LRRC37A2: variants seen among roughly 807,000 people sequenced by gnomAD.
LRRC37A2 encodes the protein leucine rich repeat containing 37 member A2.
LRRC37A2 carries 9 observed loss-of-function variants against 68.8 expected under a neutral mutation model. That is an observed-to-expected ratio of 0.13 (90% CI 0.08 to 0.23). The LOEUF is 0.23. LRRC37A2 is among the 10% of genes least tolerant of loss of function. LRRC37A2 has a pLI of 1.00. For missense variants in LRRC37A2, 168 were observed against 950.4 expected, an observed-to-expected ratio of 0.18 and a Z score of 10.82; for synonymous variants, 63 against 367.6, an observed-to-expected ratio of 0.17 and a Z score of 9.48.
chr17:46,533,351 G>GT (rs2054004623), intron 6 of LRRC37A2, among the ~76,000 whole-genome samples: 1 of 79,386 alleles, frequency 1.3e-5, no homozygotes, highest in Non-Finnish European at 2.1e-5. Context: ...TTCCAACTTT[G>GT]TTTCAATGGT....
chr17:46,941,914 G>A, the LRRC37A2 span: 9 of 984,848 alleles, frequency 9.1e-6, no homozygotes, highest in Admixed American at 1.2e-4. Flanking sequence ...TGTGTATTTT[G>A]GAACCACTGT....
At chr17:46,923,345 T>C in the LRRC37A2 span, 1 of 1,523,090 alleles carries the variant, frequency 6.6e-7, no homozygotes, top group Non-Finnish European at 8.8e-7. Flanking sequence ...AGGGCACTGC[T>C]GGGGATGCCT....
chr17:46,657,961 AT>A, the LRRC37A2 span, among the ~76,000 whole-genome samples: 1 of 57,330 alleles, frequency 1.7e-5, no homozygotes, highest in Non-Finnish European at 2.7e-5. Context: ...TTTTTATTTT[AT>A]TTTATTTATT....
the LRRC37A2 span, among the ~76,000 whole-genome samples, chr17:46,922,090 C>G: frequency 6.6e-6 from 1 of 152,190 alleles, no homozygotes; most frequent in Non-Finnish European, 1.5e-5. Context: ...ACCCAAATGT[C>G]CAACAATGAC....
the LRRC37A2 span, among the ~76,000 whole-genome samples, chr17:46,773,055 G>T: frequency 6.6e-6 from 1 of 152,040 alleles, no homozygotes; most frequent in African/African-American, 2.4e-5. Context: ...GGGCCTGCAG[G>T]TTCAAAGTCA....
At chr17:46,835,715 G>A in the LRRC37A2 span, among the ~76,000 whole-genome samples, 8 of 152,266 alleles carry the variant, frequency 5.3e-5, no homozygotes, top group African/African-American at 1.9e-4. Context: ...GTGGGTTAGG[G>A]ATGAGTTGTT....
At chr17:46,763,263 C>T in the LRRC37A2 span, 1 of 152,260 alleles carries the variant, frequency 6.6e-6, no homozygotes, top group Non-Finnish European at 1.5e-5. Flanking sequence ...CCAATTCATA[C>T]TGTGAAATCC....
the LRRC37A2 span, chr17:46,768,222 G>C: frequency 2.9e-5 from 46 of 1,569,812 alleles, 1 homozygote; most frequent in Middle Eastern, 9.0e-4. The surrounding 1 kb of genome is among the most constrained non-coding windows in gnomAD (Gnocchi z 5.0). Context: ...CTTAGAAACA[G>C]AAGGGGGTCG....
chr17:46,992,944 ACAAT>A, the LRRC37A2 span, among the ~76,000 whole-genome samples: 10 of 151,732 alleles, frequency 6.6e-5, no homozygotes, highest in Non-Finnish European at 1.3e-4. Flanking sequence ...AGATTTTCTA[ACAAT>A]GTGTAGCATG....
chr17:46,934,988 T>A, the LRRC37A2 span: 2 of 1,597,860 alleles, frequency 1.3e-6, no homozygotes, highest in Non-Finnish European at 1.7e-6. Context: ...AGGAACTGAC[T>A]GATAAGCAAA....
the LRRC37A2 span, among the ~76,000 whole-genome samples, chr17:47,001,893 T>C: frequency 6.6e-6 from 1 of 151,748 alleles, no homozygotes. Context: ...AGCTAATTTG[T>C]GTATTTTTAG....
chr17:47,019,628 A>C, the LRRC37A2 span: 1 of 1,437,454 alleles, frequency 7.0e-7, no homozygotes, highest in East Asian at 2.3e-5. Flanking sequence ...GTTACATCCA[A>C]GATAAGGCTT....
the LRRC37A2 span, among the ~76,000 whole-genome samples, chr17:46,844,693 AGAT>A: frequency 1.3e-5 from 2 of 152,222 alleles, no homozygotes; most frequent in Non-Finnish European, 2.9e-5. Context: ...ACAAACTAAA[AGAT>A]GTTGAGAATG....
the LRRC37A2 span, among the ~76,000 whole-genome samples, chr17:46,699,421 AC>A: frequency 6.6e-6 from 1 of 152,142 alleles, no homozygotes; most frequent in African/African-American, 2.4e-5. Context: ...ACACACACAC[AC>A]ACACACTTTC....
chr17:46,551,490 CTGTG>C lies in LRRC37A2; in HGVS notation c.4809+975_4809+978del, dbSNP rs1172287330. 8.9e-5 allele frequency among the ~76,000 whole-genome samples: 13 copies of C among 146,022 alleles called. No individual in the cohort carries two copies. In the East Asian group the frequency reaches 1.2e-3, roughly 13 times the overall value. ...ACACCACCCACATTTCTGCTTTTGT[CTGTG>C]TGTTTGTCCATCTAAAATGCCCTTA... is the stretch of plus-strand genomic sequence containing the variant. On this transcript the variant is annotated intron_variant, in intron 11 of 14. Transcript: ENST00000576629.
the LRRC37A2 span, chr17:46,955,613 C>T: frequency 6.6e-6 from 1 of 152,162 alleles, no homozygotes; most frequent in Non-Finnish European, 1.5e-5. Flanking sequence ...GATCTGAGGC[C>T]AAGCACACCT....
At chr17:46,814,104 G>C in the LRRC37A2 span, among the ~76,000 whole-genome samples, 1 of 152,202 alleles carries the variant, frequency 6.6e-6, no homozygotes, top group Admixed American at 6.5e-5. Context: ...ATTAATTGCA[G>C]GGCAGACATC....
the LRRC37A2 span, among the ~76,000 whole-genome samples, chr17:46,760,094 C>T: frequency 3.9e-5 from 6 of 152,098 alleles, no homozygotes; most frequent in Non-Finnish European, 8.8e-5. Flanking sequence ...AGCAAGACCC[C>T]ATCTCTACAA....
the LRRC37A2 span, chr17:46,872,750 G>A: frequency 7.5e-6 from 12 of 1,610,316 alleles, no homozygotes; most frequent in Non-Finnish European, 1.0e-5. Context: ...AGCCTGGAGG[G>A]CAGGATGGGC....
Sources: gnomAD v4.1 joint callset for allele counts (sites outside exome capture counted in the v4.1 genomes callset) on GRCh38, gnomAD v4.1.1 for gene constraint, Gnocchi (gnomAD v3.1) non-coding constraint, MANE v1.5 for transcripts, NCBI Gene and HGNC (gene_info 2026-07-23, HGNC 2026-07-21) for gene names.